The following RAB3IP variants were observed in gnomAD, a reference collection of about 807,000 sequenced individuals.
RAB3IP encodes the protein rab-3A-interacting protein.
Under a neutral mutation model 59.1 loss-of-function variants are expected in RAB3IP, and 36 were observed. The ratio of observed to expected loss-of-function variants is 0.61; its 90% confidence interval spans 0.47 to 0.80. The LOEUF is 0.80. Ranked by LOEUF, RAB3IP falls within the 30% of genes least tolerant of loss-of-function variation. The pLI is 0.00. For missense variants in RAB3IP, 511 were observed against 536.0 expected (o/e 0.95, Z 0.46); for synonymous variants, 207 against 191.2 (o/e 1.08, Z -0.68).
intron 3 of RAB3IP, among the ~76,000 whole-genome samples, chr12:69,773,160 C>T (rs546571865): frequency 3.5e-4 from 53 of 152,174 alleles, no homozygotes; most frequent in Middle Eastern, 6.8e-3. Context: ...AAGTTTGGTG[C>T]CAGGCATATT....
At chr12:69,760,004 G>A (rs552886875) in intron 3 of RAB3IP, among the ~76,000 whole-genome samples, 77 of 152,276 alleles carry the variant, frequency 5.1e-4, no homozygotes, top group African/African-American at 1.7e-3. Context: ...CTGCAATCTC[G>A]TCACTTTGGG....
intron 3 of RAB3IP, among the ~76,000 whole-genome samples, chr12:69,760,352 C>T (rs1327811978): frequency 1.3e-5 from 2 of 152,162 alleles, no homozygotes; most frequent in Non-Finnish European, 2.9e-5. Flanking sequence ...TTTGGCTCGG[C>T]ATCAGAGGGA....
chr12:69,750,970 A>G (rs939489679), intron 1 of RAB3IP, among the ~76,000 whole-genome samples: 2 of 152,110 alleles, frequency 1.3e-5, no homozygotes, highest in Non-Finnish European at 1.5e-5. Context: ...TAGGATTCCA[A>G]AGTTATATTT....
chr12:69,795,565 T>A, intron 6 of RAB3IP: 1 of 590,578 alleles, frequency 1.7e-6, no homozygotes, highest in Non-Finnish European at 3.0e-6. Flanking sequence ...GGTAAGTTTC[T>A]TAATCTCAGT....
At chr12:69,780,447 C>A (rs1223126742) in intron 3 of RAB3IP, among the ~76,000 whole-genome samples, 1 of 152,192 alleles carries the variant, frequency 6.6e-6, no homozygotes, top group African/African-American at 2.4e-5. Context: ...GCTGGCAAAC[C>A]CACCAGGGTA....
chr12:69,769,005 C>T (rs1443480819), intron 3 of RAB3IP, among the ~76,000 whole-genome samples: 1 of 151,964 alleles, frequency 6.6e-6, no homozygotes, highest in Non-Finnish European at 1.5e-5. Flanking sequence ...TCAGGTCTTT[C>T]CTGGGCTGTT....
chr12:69,802,643 T>C (rs1878574548), intron 8 of RAB3IP, among the ~76,000 whole-genome samples: 1 of 152,184 alleles, frequency 6.6e-6, no homozygotes, highest in Middle Eastern at 3.2e-3. Context: ...CTGAGAGAGC[T>C]CATAGAAAGC....
At chr12:69,739,261 G>C (rs1351385471) in intron 1 of RAB3IP, 6 of 152,268 alleles carry the variant, frequency 3.9e-5, no homozygotes, top group Admixed American at 3.9e-4. Context: ...GTGTGGGGGG[G>C]ACTTTGGCGA....
intron 3 of RAB3IP, among the ~76,000 whole-genome samples, chr12:69,767,770 C>T (rs144174074): frequency 1.2e-3 from 184 of 152,308 alleles, no homozygotes; most frequent in African/African-American, 4.3e-3. Flanking sequence ...TGGAGATCTG[C>T]CTGGGCATGT....
chr12:69,797,571 G>A (rs1413514015), intron 6 of RAB3IP, among the ~76,000 whole-genome samples: 1 of 132,624 alleles, frequency 7.5e-6, no homozygotes, highest in Non-Finnish European at 1.5e-5. Flanking sequence ...TGTGCACAAT[G>A]TGCAGGTTAG....
chr12:69,787,136 A>T (rs906030228), intron 4 of RAB3IP, among the ~76,000 whole-genome samples: 6 of 152,178 alleles, frequency 3.9e-5, no homozygotes, highest in African/African-American at 9.6e-5. Context: ...CAATATGCAC[A>T]GTTTTGGTAA....
intron 3 of RAB3IP, among the ~76,000 whole-genome samples, chr12:69,757,258 A>G (rs1181584016): frequency 6.6e-6 from 1 of 152,238 alleles, no homozygotes; most frequent in African/African-American, 2.4e-5. Context: ...AAAGTCTCAA[A>G]TGGACAATCT....
At chr12:69,810,080 C>T (rs563259078) in intron 8 of RAB3IP, among the ~76,000 whole-genome samples, 1 of 152,074 alleles carries the variant, frequency 6.6e-6, no homozygotes, top group Non-Finnish European at 1.5e-5. Flanking sequence ...GTTTTTGGTG[C>T]AGATGTCCTT....
At chr12:69,766,665 G>A (rs1382673254) in intron 3 of RAB3IP, among the ~76,000 whole-genome samples, 1 of 151,972 alleles carries the variant, frequency 6.6e-6, no homozygotes, top group African/African-American at 2.4e-5. Flanking sequence ...GGGATTACAG[G>A]CGCCTGCCAC....
intron 8 of RAB3IP, among the ~76,000 whole-genome samples, chr12:69,807,580 G>A (rs529854387): frequency 9.5e-4 from 137 of 144,714 alleles, no homozygotes; most frequent in African/African-American, 3.5e-3. Context: ...CAGGGCGGCC[G>A]GACAGAGGCG....
At position 69,739,047 on chromosome 12, in the gene RAB3IP, G is replaced by T. The variant is rs1195547758; in HGVS notation, c.-26+16G>T. 1 of 152,056 alleles carries T rather than the reference G, an allele frequency of 6.6e-6. No homozygotes were observed. Among genetic ancestry groups the T allele is most frequent in the African/African-American group, 2.4e-5 (1 of 41,432 alleles). The allele number at this position is 152,056 out of a possible 1,614,324, so 9.4% of individuals were successfully genotyped here. A position where few individuals can be genotyped will look rare whatever the true frequency, so the allele number is the denominator to read the frequency against. ...GGTTCTTCAGGTGAGTGCGGCCGCGGGAGGGAGAGGCCCGGAGCGTAGAGC... is the reference window on the plus strand; with the variant it reads ...GGTTCTTCAGGTGAGTGCGGCCGCGTGAGGGAGAGGCCCGGAGCGTAGAGC... On this transcript the variant is annotated intron_variant, in intron 1 of 10. Transcript: ENST00000247833.
chr12:69,769,616 C>A (rs1872777253), intron 3 of RAB3IP, among the ~76,000 whole-genome samples: 1 of 152,174 alleles, frequency 6.6e-6, no homozygotes, highest in South Asian at 2.1e-4. Flanking sequence ...ATGCCCAAAT[C>A]CTCTAATCTA....
intron 4 of RAB3IP, among the ~76,000 whole-genome samples, chr12:69,793,724 GAATGT>G (rs1488596571): frequency 6.6e-6 from 1 of 152,146 alleles, no homozygotes; most frequent in African/African-American, 2.4e-5. Flanking sequence ...CATATAAACA[GAATGT>G]AAGCTCCTTA....
At chr12:69,760,052 T>A (rs1295399574) in intron 3 of RAB3IP, among the ~76,000 whole-genome samples, 1 of 152,172 alleles carries the variant, frequency 6.6e-6, no homozygotes, top group Non-Finnish European at 1.5e-5. Context: ...AGGTTGTAGC[T>A]AGCCGAGATC....
Sources: gnomAD v4.1 joint callset for allele counts (sites outside exome capture counted in the v4.1 genomes callset) on GRCh38, gnomAD v4.1.1 for gene constraint, MANE v1.5 for transcripts, NCBI Gene and HGNC (gene_info 2026-07-23, HGNC 2026-07-21) for gene names.